RANBP2: variants seen among roughly 807,000 people sequenced by gnomAD.
RANBP2 encodes the protein RAN binding protein 2.
RANBP2 carries 57 observed loss-of-function variants against 303.6 expected under a neutral mutation model. That is an observed-to-expected ratio of 0.19 (90% CI 0.15 to 0.23). The LOEUF is 0.23. Ranked by LOEUF, RANBP2 falls within the 10% of genes least tolerant of loss-of-function variation. The probability of loss-of-function intolerance (pLI) is 1.00; values close to 1 mark genes in which losing one functional copy is unlikely to be tolerated. For missense variants in RANBP2, 3,138 were observed against 3,780.8 expected, an observed-to-expected ratio of 0.83 and a Z score of 4.46; for synonymous variants, 1,167 against 1,301.5, an observed-to-expected ratio of 0.90 and a Z score of 2.23.
chr2:108,964,855 C>A, the RANBP2 span, among the ~76,000 whole-genome samples: 1 of 152,150 alleles, frequency 6.6e-6, no homozygotes, highest in African/African-American at 2.4e-5. Context: ...GGAAATAATT[C>A]CACAAACTGT....
At chr2:109,065,374 C>T in the RANBP2 span, among the ~76,000 whole-genome samples, 2 of 152,052 alleles carry the variant, frequency 1.3e-5, no homozygotes, top group Admixed American at 6.5e-5. Context: ...TTTTGCTTAT[C>T]TTTGTGTGCG....
chr2:109,471,967 T>C, the RANBP2 span, among the ~76,000 whole-genome samples: 61 of 152,324 alleles, frequency 4.0e-4, no homozygotes, highest in South Asian at 7.7e-3. Flanking sequence ...TTTTCCTCCA[T>C]GGTTATATTG....
chr2:108,770,614 T>C (rs3954218), intron 20 of RANBP2, among the ~76,000 whole-genome samples: 31 of 152,178 alleles, frequency 2.0e-4, no homozygotes, highest in African/African-American at 7.0e-4. Flanking sequence ...AAAGCAAGAC[T>C]GCATCTCAAA....
chr2:109,449,701 G>A, the RANBP2 span, among the ~76,000 whole-genome samples: 27 of 152,354 alleles, frequency 1.8e-4, no homozygotes, highest in African/African-American at 6.3e-4. Flanking sequence ...GGTGCTGGCA[G>A]GGCCATGCAA....
the RANBP2 span, among the ~76,000 whole-genome samples, chr2:109,638,063 G>T: frequency 6.6e-6 from 1 of 152,220 alleles, no homozygotes; most frequent in Non-Finnish European, 1.5e-5. Flanking sequence ...GCGAGGAAAT[G>T]CATGCTAACT....
At position 108,766,176 on chromosome 2, in the gene RANBP2, T is replaced by C; in HGVS notation, c.5637T>C (p.Asn1879=). The part of the protein sequence containing the change: ...SPSFMFQGSS[N]TEFKSTKEGF... ...CATTTATGTTTCAGGGTTCTTCTAA[T>C]ACAGAATTTAAGTCAACCAAAGAAG... Residue 1879 remains asparagine, a synonymous_variant, in exon 20 of 29, where the codon AAT becomes AAC. Coordinates refer to ENST00000283195, the MANE Select transcript of RANBP2 (RefSeq NM_006267.5). 2 of 1,612,418 alleles carry C rather than the reference T, an allele frequency of 1.2e-6. No individual in the cohort carries two copies. The highest frequency in any genetic ancestry group is 1.3e-5 in the African/African-American group (1 of 74,994).
the RANBP2 span, among the ~76,000 whole-genome samples, chr2:109,684,173 C>A: frequency 6.6e-6 from 1 of 151,878 alleles, no homozygotes; most frequent in Non-Finnish European, 1.5e-5. Flanking sequence ...AACTCCTGAC[C>A]ACAAATGATC....
At chr2:109,495,606 G>C in the RANBP2 span, among the ~76,000 whole-genome samples, 6 of 137,020 alleles carry the variant, frequency 4.4e-5, no homozygotes, top group Non-Finnish European at 9.3e-5. Context: ...CTTGTGCCCA[G>C]CTTCCCAAGT....
the RANBP2 span, among the ~76,000 whole-genome samples, chr2:108,980,350 A>T: frequency 6.6e-6 from 1 of 152,068 alleles, no homozygotes; most frequent in East Asian, 1.9e-4. Flanking sequence ...GAGGCTCTGG[A>T]GAGCAAGGAG....
the RANBP2 span, among the ~76,000 whole-genome samples, chr2:108,925,270 GTTC>G: frequency 4.6e-5 from 7 of 152,220 alleles, no homozygotes; most frequent in African/African-American, 1.7e-4. Context: ...ATGACACCAA[GTTC>G]TTCTCCGTGG....
chr2:109,383,060 G>C, the RANBP2 span, among the ~76,000 whole-genome samples: 8 of 152,356 alleles, frequency 5.3e-5, 1 homozygote, highest in Admixed American at 5.2e-4. Flanking sequence ...GAGGAAACCG[G>C]TGTCAGATTC....
the RANBP2 span, among the ~76,000 whole-genome samples, chr2:109,189,895 T>A: frequency 6.6e-6 from 1 of 152,172 alleles, no homozygotes; most frequent in Admixed American, 6.5e-5. Flanking sequence ...GGAGCGATCA[T>A]ACTTTCTGCA....
chr2:109,645,344 A>C, the RANBP2 span, among the ~76,000 whole-genome samples: 1 of 152,272 alleles, frequency 6.6e-6, no homozygotes, highest in African/African-American at 2.4e-5. Context: ...GAATTGGCAC[A>C]GAGTGGGCAC....
the RANBP2 span, among the ~76,000 whole-genome samples, chr2:108,891,697 T>G: frequency 1.3e-5 from 2 of 152,098 alleles, no homozygotes; most frequent in Non-Finnish European, 2.9e-5. Flanking sequence ...ATTGGGTGTG[T>G]AGGTGGGTTT....
At chr2:109,037,877 C>T in the RANBP2 span, among the ~76,000 whole-genome samples, 2 of 152,186 alleles carry the variant, frequency 1.3e-5, no homozygotes, top group African/African-American at 4.8e-5. Flanking sequence ...TCAATTCTCT[C>T]CAGATTGATT....
At chr2:109,074,312 G>T in the RANBP2 span, among the ~76,000 whole-genome samples, 2 of 150,342 alleles carry the variant, frequency 1.3e-5, no homozygotes, top group African/African-American at 4.8e-5. Flanking sequence ...AGGTTGCAGT[G>T]AACTGAGATT....
the RANBP2 span, among the ~76,000 whole-genome samples, chr2:109,186,890 C>T: frequency 2.4e-4 from 36 of 152,266 alleles, no homozygotes; most frequent in African/African-American, 8.7e-4. Context: ...TTCTGTGGGT[C>T]CATATATTCA....
the RANBP2 span, among the ~76,000 whole-genome samples, chr2:109,317,090 T>C: frequency 1.3e-5 from 2 of 152,216 alleles, no homozygotes; most frequent in African/African-American, 4.8e-5. Context: ...CTGGCAGTTA[T>C]GAATAAAGCT....
the RANBP2 span, among the ~76,000 whole-genome samples, chr2:109,120,091 G>C: frequency 6.6e-6 from 1 of 152,228 alleles, no homozygotes; most frequent in Admixed American, 6.5e-5. Context: ...AGCCTGAAGG[G>C]GCTGGCTCCA....
Sources: allele counts gnomAD v4.1 joint callset (sites outside exome capture counted in the v4.1 genomes callset), GRCh38; gene constraint gnomAD v4.1.1; transcripts MANE v1.5; gene names NCBI Gene and HGNC (gene_info 2026-07-23, HGNC 2026-07-21).